Variants in TGFBR3 observed in about 807,000 individuals in gnomAD.
The protein encoded by TGFBR3 is transforming growth factor beta receptor 3.
Under a neutral mutation model 87.9 loss-of-function variants are expected in TGFBR3, and 46 were observed. That is an observed-to-expected ratio of 0.52 (90% CI 0.41 to 0.67). The LOEUF (loss-of-function observed/expected upper bound fraction) is 0.67. TGFBR3 is among the 30% of genes least tolerant of loss of function. The probability of loss-of-function intolerance (pLI) is 0.00; values close to 1 mark genes in which losing one functional copy is unlikely to be tolerated. For missense variants in TGFBR3, 866 were observed against 1,041.9 expected (o/e 0.83, Z 2.32); for synonymous variants, 381 against 391.6 (o/e 0.97, Z 0.32).
At chr1:91,833,516 C>T (rs913753385) in intron 2 of TGFBR3, among the ~76,000 whole-genome samples, 4 of 149,938 alleles carry the variant, frequency 2.7e-5, no homozygotes, top group Non-Finnish European at 5.9e-5. Context: ...GCCTATAATC[C>T]CAGCACTTTG....
At chr1:91,905,759 A>C (rs945542100) in intron 1 of TGFBR3, 1 of 152,262 alleles carries the variant, frequency 6.6e-6, no homozygotes, top group African/African-American at 2.4e-5. Context: ...GCAGTATCAA[A>C]GCACTTTTGG....
At chr1:91,729,730 A>C (rs1571450089) in intron 6 of TGFBR3, 75 bp downstream of exon 6, 2 of 1,563,422 alleles carry the variant, frequency 1.3e-6, no homozygotes, top group Non-Finnish European at 1.8e-6. Context: ...GACGGGCTAC[A>C]CCTCTCCCTG....
chr1:91,833,268 C>A (rs1453325413), intron 2 of TGFBR3, among the ~76,000 whole-genome samples: 2 of 137,708 alleles, frequency 1.5e-5, no homozygotes, highest in African/African-American at 5.6e-5. Flanking sequence ...TGCACTCCAG[C>A]CCAGGCGACA....
chr1:91,752,430 A>G (rs1456725788), intron 4 of TGFBR3, among the ~76,000 whole-genome samples: 3 of 147,502 alleles, frequency 2.0e-5, no homozygotes, highest in East Asian at 4.2e-4. Flanking sequence ...TTAATGATAA[A>G]TGGCTAGAAA....
intron 5 of TGFBR3, among the ~76,000 whole-genome samples, chr1:91,734,517 CACA>C (rs1672888056): frequency 6.6e-6 from 1 of 152,170 alleles, no homozygotes; most frequent in Non-Finnish European, 1.5e-5. Context: ...CTAAATCCCA[CACA>C]ACAACCTTCT....
chr1:91,858,577 T>C (rs1571579466), intron 2 of TGFBR3, among the ~76,000 whole-genome samples: 1 of 124,826 alleles, frequency 8.0e-6, no homozygotes, highest in Non-Finnish European at 1.6e-5. Flanking sequence ...ATTGTGCCAC[T>C]GCACTGTAGC....
rs866196179 is a variant in TGFBR3 at position 91,900,892 on chromosome 1, T to C, written c.-174-1195A>G. Among the ~76,000 whole-genome samples, 13 of 152,174 alleles carry C rather than the reference T, an allele frequency of 8.5e-5. No individual in the cohort carries two copies. The South Asian group carries it at 1.5e-3, about 17-fold the overall frequency. On this transcript the variant is annotated intron_variant, in intron 1 of 17. Coordinates refer to the TGFBR3 transcript ENST00000370399. ...AGAGACATGAAAAAAAGTTATTGGG[T>C]TTGGTTTTGTTTTATTTGAGATAAG...
At chr1:91,775,453 G>A (rs904414733) in intron 3 of TGFBR3, among the ~76,000 whole-genome samples, 20 of 152,248 alleles carry the variant, frequency 1.3e-4, no homozygotes, top group African/African-American at 3.9e-4. Context: ...CCCAGATCTC[G>A]GCATAGTTCA....
intron 16 of TGFBR3, among the ~76,000 whole-genome samples, chr1:91,687,161 C>T (rs1305685955): frequency 6.6e-6 from 1 of 152,068 alleles, no homozygotes; most frequent in Non-Finnish European, 1.5e-5. Context: ...CCAGAGATGC[C>T]TCAAGAAATA....
intron 2 of TGFBR3, among the ~76,000 whole-genome samples, chr1:91,815,366 C>A (rs11165546): frequency 0.25 from 36,700 of 146,430 alleles, 5,620 homozygotes; most frequent in Middle Eastern, 0.36. Flanking sequence ...CCTAGCTAAT[C>A]CTCAGGGTCA....
At chr1:91,865,964 A>G (rs1678384067) in intron 1 of TGFBR3, among the ~76,000 whole-genome samples, 1 of 152,146 alleles carries the variant, frequency 6.6e-6, no homozygotes. Flanking sequence ...TTTAAAAAAA[A>G]AGCAAACAAA....
intron 13 of TGFBR3, among the ~76,000 whole-genome samples, chr1:91,711,865 G>A (rs1671993512): frequency 6.6e-6 from 1 of 152,198 alleles, no homozygotes. Context: ...AAAAAACAAT[G>A]ACAATGCCAG....
chr1:91,694,830 C>T (rs908731637), intron 16 of TGFBR3, among the ~76,000 whole-genome samples: 5 of 152,134 alleles, frequency 3.3e-5, no homozygotes, highest in African/African-American at 9.7e-5. Context: ...AGAACAAGAC[C>T]GATTTTATAC....
intron 2 of TGFBR3, among the ~76,000 whole-genome samples, chr1:91,851,188 G>A (rs1365743851): frequency 6.6e-6 from 1 of 152,078 alleles, no homozygotes; most frequent in African/African-American, 2.4e-5. Context: ...GGGAATAGCT[G>A]GGCTTCAGTC....
At chr1:91,847,242 C>A (rs987125056) in intron 2 of TGFBR3, among the ~76,000 whole-genome samples, 1 of 152,138 alleles carries the variant, frequency 6.6e-6, no homozygotes, top group African/African-American at 2.4e-5. Flanking sequence ...TCAATTACAA[C>A]TTACAGAAAT....
chr1:91,711,474 T>G lies in TGFBR3; in HGVS notation c.2166+769A>C, dbSNP rs17887212. ...TAATAACACTGCTTGATTCTTAGCC[T>G]TTTAGACATTGATATATGACTGCGA... On this transcript the variant is annotated intron_variant, in intron 13 of 16. Coordinates refer to ENST00000212355, the MANE Select transcript of TGFBR3 (RefSeq NM_003243.5). 8.8e-3 allele frequency among the ~76,000 whole-genome samples: 1,346 copies of G among 152,332 alleles called. 17 individuals are homozygous for G. Among genetic ancestry groups the G allele is most frequent in the Non-Finnish European group, 0.013 (903 of 68,030 alleles).
intron 4 of TGFBR3, among the ~76,000 whole-genome samples, chr1:91,750,483 G>A (rs1250243018): frequency 6.6e-6 from 1 of 152,066 alleles, no homozygotes; most frequent in African/African-American, 2.4e-5. Context: ...TAGTTCATGA[G>A]AGGATCAAGA....
intron 14 of TGFBR3, among the ~76,000 whole-genome samples, chr1:91,698,512 TC>T (rs747037366): frequency 4.7e-4 from 67 of 142,762 alleles, no homozygotes; most frequent in African/African-American, 1.6e-3. Flanking sequence ...TTCAAAATAT[TC>T]TTTTTTTTTT....
chr1:91,752,676 C>T (rs373879798), intron 4 of TGFBR3, among the ~76,000 whole-genome samples: 2 of 151,606 alleles, frequency 1.3e-5, no homozygotes, highest in South Asian at 2.1e-4. Flanking sequence ...AGTCTACAGA[C>T]CTTGCAGGAG....
Sources: gnomAD v4.1 joint callset for allele counts (sites outside exome capture counted in the v4.1 genomes callset) on GRCh38, gnomAD v4.1.1 for gene constraint, MANE v1.5 for transcripts, NCBI Gene and HGNC (gene_info 2026-07-23, HGNC 2026-07-21) for gene names.